CPEB3: variants seen among roughly 807,000 people sequenced by gnomAD.
CPEB3 encodes the protein cytoplasmic polyadenylation element-binding protein 3.
CPEB3 carries 20 observed loss-of-function variants against 67.2 expected under a neutral mutation model. The observed-to-expected ratio is 0.30, with a 90% CI of 0.21 to 0.43. CPEB3 has a LOEUF of 0.43. CPEB3 is among the 20% of genes least tolerant of loss of function. The pLI is 1.00. For missense variants in CPEB3, 746 were observed against 968.6 expected, an observed-to-expected ratio of 0.77 and a Z score of 3.05; for synonymous variants, 376 against 393.1, an observed-to-expected ratio of 0.96 and a Z score of 0.51.
chr10:92,240,611 T>C (rs1308651923), intron 1 of CPEB3, among the ~76,000 whole-genome samples: 2 of 152,194 alleles, frequency 1.3e-5, no homozygotes, highest in Admixed American at 6.5e-5. Flanking sequence ...GTTCCTTTTC[T>C]GTATTAGTGA....
intron 2 of CPEB3, among the ~76,000 whole-genome samples, chr10:92,212,210 C>CTTT (rs998565592): frequency 1.7e-5 from 2 of 119,996 alleles, no homozygotes; most frequent in Non-Finnish European, 3.6e-5. Context: ...ACAATAAATT[C>CTTT]TTTTTTTTTT....
intron 2 of CPEB3, among the ~76,000 whole-genome samples, chr10:92,213,663 AACTCCTG>A (rs1850203661): frequency 6.6e-6 from 1 of 152,178 alleles, no homozygotes; most frequent in Admixed American, 6.6e-5. Flanking sequence ...TTTGACACTT[AACTCCTG>A]ACTGGGTCTT....
At chr10:92,258,737 T>C (rs1372293308) in intron 1 of CPEB3, among the ~76,000 whole-genome samples, 2 of 131,136 alleles carry the variant, frequency 1.5e-5, no homozygotes, top group East Asian at 2.5e-4. Flanking sequence ...GATATTTTTA[T>C]ATAAATTTTT....
At chr10:92,087,322 G>T (rs983367054) in intron 8 of CPEB3, among the ~76,000 whole-genome samples, 1 of 152,156 alleles carries the variant, frequency 6.6e-6, no homozygotes, top group Non-Finnish European at 1.5e-5. Context: ...ATTCACCACA[G>T]AATATTGGTA....
intron 1 of CPEB3, among the ~76,000 whole-genome samples, chr10:92,253,848 A>T (rs1852409421): frequency 6.6e-6 from 1 of 152,200 alleles, no homozygotes; most frequent in African/African-American, 2.4e-5. Flanking sequence ...GGTCTGTGTC[A>T]TTTAAGCTAA....
At chr10:92,115,401 C>T (rs1291477213) in intron 6 of CPEB3, among the ~76,000 whole-genome samples, 1 of 152,218 alleles carries the variant, frequency 6.6e-6, no homozygotes, top group Non-Finnish European at 1.5e-5. Flanking sequence ...ATCCTTCAGC[C>T]TCAGCCTCCC....
chr10:92,218,272 C>T (rs1850529533), intron 2 of CPEB3, among the ~76,000 whole-genome samples: 2 of 151,982 alleles, frequency 1.3e-5, no homozygotes, highest in Non-Finnish European at 1.5e-5. Context: ...CCCAGAGTGG[C>T]GGCACACACC....
At chr10:92,106,219 C>T (rs1844445099) in intron 7 of CPEB3, among the ~76,000 whole-genome samples, 1 of 150,906 alleles carries the variant, frequency 6.6e-6, no homozygotes, top group Non-Finnish European at 1.5e-5. Flanking sequence ...ATGCATTATA[C>T]TATTAACCTT....
At chr10:92,194,734 G>A (rs1385041267) in intron 2 of CPEB3, among the ~76,000 whole-genome samples, 1 of 152,044 alleles carries the variant, frequency 6.6e-6, no homozygotes, top group East Asian at 1.9e-4. Context: ...GGGAAACACA[G>A]CTCATGTTCT....
intron 6 of CPEB3, among the ~76,000 whole-genome samples, chr10:92,127,229 C>G (rs1243822115): frequency 1.3e-5 from 2 of 152,212 alleles, no homozygotes; most frequent in Non-Finnish European, 2.9e-5. Context: ...AGGAGGATTG[C>G]TTGAAGCCAA....
intron 1 of CPEB3, among the ~76,000 whole-genome samples, chr10:92,283,997 G>T (rs1842420970): frequency 6.7e-6 from 1 of 150,008 alleles, no homozygotes; most frequent in South Asian, 2.1e-4. Context: ...CAAGTGCTGG[G>T]ATTACAGGTG....
intron 9 of CPEB3, among the ~76,000 whole-genome samples, chr10:92,064,986 AAGT>A (rs1228183708): frequency 1.3e-5 from 2 of 152,254 alleles, no homozygotes; most frequent in Non-Finnish European, 2.9e-5. Context: ...AGACCATACA[AAGT>A]AGTTATCAAT....
At chr10:92,102,508 C>T (rs925491610) in intron 7 of CPEB3, among the ~76,000 whole-genome samples, 1 of 152,300 alleles carries the variant, frequency 6.6e-6, no homozygotes, top group East Asian at 1.9e-4. Flanking sequence ...CACCAGGCTG[C>T]AGAGCCTATT....
At chr10:92,213,927 T>C (rs928963209) in intron 2 of CPEB3, among the ~76,000 whole-genome samples, 4 of 152,298 alleles carry the variant, frequency 2.6e-5, no homozygotes, top group South Asian at 2.1e-4. Context: ...TACAGAAATA[T>C]AAGCCATACT....
chr10:92,211,338 C>A (rs561487122), intron 2 of CPEB3, among the ~76,000 whole-genome samples: 1 of 152,176 alleles, frequency 6.6e-6, no homozygotes, highest in Admixed American at 6.5e-5. Context: ...TAGATTATAT[C>A]TCTGTATATG....
At chr10:92,134,687 A>G (rs1333919287) in intron 6 of CPEB3, among the ~76,000 whole-genome samples, 2 of 151,962 alleles carry the variant, frequency 1.3e-5, no homozygotes, top group African/African-American at 4.8e-5. Flanking sequence ...TGGAAACAAA[A>G]AAGAGCCCGC....
At chr10:92,089,408 A>G (rs1030303404) in intron 8 of CPEB3, among the ~76,000 whole-genome samples, 2 of 152,210 alleles carry the variant, frequency 1.3e-5, no homozygotes, top group Admixed American at 6.5e-5. Flanking sequence ...AACCCTATCA[A>G]TAATTCAAGT....
intron 6 of CPEB3, among the ~76,000 whole-genome samples, chr10:92,114,377 G>A (rs1412367593): frequency 6.6e-6 from 1 of 152,142 alleles, no homozygotes; most frequent in Non-Finnish European, 1.5e-5. Context: ...AGTAAACAAA[G>A]TAGAAAAAGA....
At chr10:92,059,039 T>C (rs901601511) in intron 9 of CPEB3, among the ~76,000 whole-genome samples, 8 of 152,090 alleles carry the variant, frequency 5.3e-5, no homozygotes, top group African/African-American at 1.9e-4. Flanking sequence ...ACTATACAAA[T>C]ACATGAGTGG....
Sources: gnomAD v4.1 joint callset for allele counts (sites outside exome capture counted in the v4.1 genomes callset) on GRCh38, gnomAD v4.1.1 for gene constraint, MANE v1.5 for transcripts, NCBI Gene and HGNC (gene_info 2026-07-23, HGNC 2026-07-21) for gene names.